ARHGEF4: variants seen among roughly 807,000 people sequenced by gnomAD.
The protein encoded by ARHGEF4 is Rho guanine nucleotide exchange factor 4.
Under a neutral mutation model 162.0 loss-of-function variants are expected in ARHGEF4, and 119 were observed. The observed-to-expected ratio is 0.73, with a 90% CI of 0.63 to 0.86. The LOEUF is 0.86. Among genes scored for constraint, ARHGEF4 ranks in the 40% least tolerant of loss-of-function variants. The pLI is 0.00. For synonymous variants in ARHGEF4, 1,014 were observed against 979.9 expected, an observed-to-expected ratio of 1.03 and a Z score of -0.65; for missense variants, 2,488 against 2,456.0, an observed-to-expected ratio of 1.01 and a Z score of -0.28.
rs928399468 is a variant in ARHGEF4 at position 131,035,051 on chromosome 2, G to T, written c.4126-3802G>T. On this transcript the variant is annotated intron_variant, in intron 5 of 13. Transcript: ENST00000409359. ...GCGGGCCACCGGCTCGGCCCTGTGCGGCGGGATCTCGGGGCCGCACGGAGC... is the reference window on the plus strand; with the variant it reads ...GCGGGCCACCGGCTCGGCCCTGTGCTGCGGGATCTCGGGGCCGCACGGAGC... 109 of 997,804 alleles carry T rather than the reference G, an allele frequency of 1.1e-4. No homozygotes were observed. In the Middle Eastern group the frequency reaches 1.5e-3, roughly 14 times the overall value. The allele number at this position is 997,804 out of a possible 1,614,324, so 61.8% of individuals were successfully genotyped here.
chr2:130,918,572 G>A (rs771626306), intron 2 of ARHGEF4, among the ~76,000 whole-genome samples: 4 of 152,218 alleles, frequency 2.6e-5, no homozygotes, highest in Admixed American at 6.5e-5. Flanking sequence ...CCGCCTGCAG[G>A]CAGATGTCAG....
intron 3 of ARHGEF4, among the ~76,000 whole-genome samples, chr2:130,943,557 C>T (rs1470846889): frequency 6.6e-6 from 1 of 151,930 alleles, no homozygotes; most frequent in Non-Finnish European, 1.5e-5. Flanking sequence ...TTTAGTTCTC[C>T]ATTTTAACTT....
chr2:130,922,912 C>T lies in ARHGEF4; in HGVS notation c.3552+5414C>T, dbSNP rs1041285397. 2.0e-3 allele frequency among the ~76,000 whole-genome samples: 254 copies of T among 125,936 alleles called. 2 individuals are homozygous for T. Among genetic ancestry groups the T allele is most frequent in the South Asian group, 3.9e-3 (13 of 3,360 alleles). The allele number at this position is 125,936 out of a possible 152,430, so 82.6% of individuals were successfully genotyped here. A position where few individuals can be genotyped will look rare whatever the true frequency, so the allele number is the denominator to read the frequency against. On this transcript the variant is annotated intron_variant, in intron 2 of 13. Transcript: ENST00000409359. Reference sequence around the variant, plus strand: ...TCCTATTTTGTGTGGCTTGTCTTTTCCCTCTTTAATGATATATATATATAT... The same window carrying T: ...TCCTATTTTGTGTGGCTTGTCTTTTTCCTCTTTAATGATATATATATATAT...
chr2:130,850,775 C>T (rs567007217), intron 1 of ARHGEF4, among the ~76,000 whole-genome samples: 22 of 152,308 alleles, frequency 1.4e-4, no homozygotes, highest in African/African-American at 3.1e-4. Flanking sequence ...CAGAGCCACA[C>T]GGGAAGGGGA....
intron 4 of ARHGEF4, among the ~76,000 whole-genome samples, chr2:130,993,756 T>C (rs1173480574): frequency 3.3e-5 from 5 of 152,234 alleles, no homozygotes; most frequent in Admixed American, 2.0e-4. Flanking sequence ...GTAGGACATA[T>C]CTTTTTTGGT....
chr2:130,840,287 G>A (rs1208201528), intron 1 of ARHGEF4, among the ~76,000 whole-genome samples: 1 of 152,198 alleles, frequency 6.6e-6, no homozygotes, highest in Non-Finnish European at 1.5e-5. Flanking sequence ...GATTGTGACA[G>A]CTTCAGTCCG....
At chr2:131,026,509 TATAC>T (rs1309453611) in intron 4 of ARHGEF4, among the ~76,000 whole-genome samples, 1 of 152,214 alleles carries the variant, frequency 6.6e-6, no homozygotes, top group Non-Finnish European at 1.5e-5. Flanking sequence ...AATGTGTGTG[TATAC>T]ATACATACAT....
At position 131,041,310 on chromosome 2, in the gene ARHGEF4, C is replaced by T; in HGVS notation, c.4743C>T (p.Leu1581=). The change falls in exon 9 of 14, where the codon CTC becomes CTT. Residue 1581 remains leucine, a synonymous_variant. Coordinates refer to ENST00000409359, the MANE Select transcript of ARHGEF4 (RefSeq NM_001367493.1). ...ACVELSRLTK[L]SKYVYFFEAC... The stretch of plus-strand genomic sequence containing the variant: ...TGGAGCTCTCCCGGCTCACCAAGCT[C>T]AGCAAGTACGTGTACTTCTTCGAGG... 6.2e-7 allele frequency: 1 copy of T among 1,613,882 alleles called. No homozygotes were observed. The highest frequency in any genetic ancestry group is 1.6e-4 in the Middle Eastern group (1 of 6,062).
Position 131,028,056 on chromosome 2 carries a change from G to C in ARHGEF4, c.4097G>C (p.Gly1366Ala), listed in dbSNP as rs200180609. 3.6e-4 allele frequency: 586 copies of C among 1,613,948 alleles called. 1 individual carries two copies. The highest frequency in any genetic ancestry group is 4.6e-4 in the Non-Finnish European group (542 of 1,180,032). ...SSSHHYSHPGGGGEQLAINEL... is the reference protein window; with the variant it reads ...SSSHHYSHPGAGGEQLAINEL... ...AGCCACCACTACAGCCACCCTGGAG[G>C]GGGTGGGGAGCAGCTGGCTATCAAT... is the stretch of plus-strand genomic sequence containing the variant. The change falls in exon 5 of 14, where the codon GGG becomes GCG. Residue 1366 changes from glycine to alanine, a missense_variant. Gly to Ala is a moderately conservative substitution (Grantham distance 60, BLOSUM62 0). Transcript: ENST00000409359.
At chr2:130,941,683 CAG>C (rs925278728) in intron 3 of ARHGEF4, among the ~76,000 whole-genome samples, 7 of 152,050 alleles carry the variant, frequency 4.6e-5, no homozygotes, top group Non-Finnish European at 8.8e-5. Flanking sequence ...TTAAGAAAAT[CAG>C]AGGGAAGAGA....
At chr2:130,967,234 G>T (rs750771869) in intron 4 of ARHGEF4, among the ~76,000 whole-genome samples, 1 of 152,134 alleles carries the variant, frequency 6.6e-6, no homozygotes, top group Non-Finnish European at 1.5e-5. Flanking sequence ...CTGAAATGTC[G>T]TTCATCTGGC....
intron 1 of ARHGEF4, among the ~76,000 whole-genome samples, chr2:130,840,474 G>A (rs1318309033): frequency 1.3e-5 from 2 of 152,200 alleles, no homozygotes; most frequent in African/African-American, 4.8e-5. Flanking sequence ...AGTCTCCAGG[G>A]ATGAGGTGTT....
At chr2:130,923,266 T>C (rs1257654423) in intron 2 of ARHGEF4, among the ~76,000 whole-genome samples, 1 of 152,208 alleles carries the variant, frequency 6.6e-6, no homozygotes, top group Non-Finnish European at 1.5e-5. Flanking sequence ...ATTCTCAATT[T>C]TAATGTTGTC....
At chr2:131,045,008 C>T (rs1401976573) in intron 12 of ARHGEF4, among the ~76,000 whole-genome samples, 1 of 152,198 alleles carries the variant, frequency 6.6e-6, no homozygotes, top group Non-Finnish European at 1.5e-5. Context: ...TCCCTCCTGT[C>T]CACGGGCCCC....
chr2:130,941,683 C>A (rs753179310), intron 3 of ARHGEF4, among the ~76,000 whole-genome samples: 1 of 152,050 alleles, frequency 6.6e-6, no homozygotes, highest in Non-Finnish European at 1.5e-5. Flanking sequence ...TTAAGAAAAT[C>A]AGAGGGAAGA....
intron 1 of ARHGEF4, among the ~76,000 whole-genome samples, chr2:130,857,279 T>C (rs1002207747): frequency 7.2e-6 from 1 of 139,216 alleles, no homozygotes; most frequent in Non-Finnish European, 1.5e-5. Flanking sequence ...TCTATAAATA[T>C]GTACTTGCCT....
chr2:130,998,214 ATTG>A (rs1687528829), intron 4 of ARHGEF4, among the ~76,000 whole-genome samples: 1 of 152,154 alleles, frequency 6.6e-6, no homozygotes, highest in Non-Finnish European at 1.5e-5. Context: ...TTGTGCTATC[ATTG>A]TTAACATGAA....
intron 1 of ARHGEF4, among the ~76,000 whole-genome samples, chr2:130,897,029 G>A (rs1680195132): frequency 6.6e-6 from 1 of 152,168 alleles, no homozygotes; most frequent in African/African-American, 2.4e-5. Flanking sequence ...TTCCTGCGAG[G>A]TTCAGTGAAA....
Position 130,930,998 on chromosome 2 carries a change from C to T in ARHGEF4, c.3599C>T (p.Ser1200Phe), listed in dbSNP as rs1225024158. Residue 1200 changes from serine (S) to phenylalanine (F), a missense_variant, in exon 3 of 14, where the codon TCT becomes TTT. Transcript: ENST00000409359. ...EEPAGEKPSC[S>F]HSQKAFHMEP... Reference sequence around the variant, plus strand: ...CCAGCAGGTGAGAAGCCCAGTTGCTCTCACAGTCAGAAGGCGTTCCACATG... The same window carrying T: ...CCAGCAGGTGAGAAGCCCAGTTGCTTTCACAGTCAGAAGGCGTTCCACATG... 1.2e-6 allele frequency: 2 copies of T among 1,613,388 alleles called. No homozygotes were observed. The highest frequency in any genetic ancestry group is 1.3e-5 in the African/African-American group (1 of 75,044).
Sources: allele counts gnomAD v4.1 joint callset (sites outside exome capture counted in the v4.1 genomes callset), GRCh38; gene constraint gnomAD v4.1.1; transcripts MANE v1.5; gene names NCBI Gene and HGNC (gene_info 2026-07-23, HGNC 2026-07-21).